ADAP2: variants seen among roughly 807,000 people sequenced by gnomAD.
The protein encoded by ADAP2 is ArfGAP with dual PH domains 2, also known as arf-GAP with dual PH domain-containing protein 2.
ADAP2 carries 42 observed loss-of-function variants against 54.9 expected under a neutral mutation model. The ratio of observed to expected loss-of-function variants is 0.77; its 90% CI spans 0.60 to 0.99. ADAP2 has a LOEUF of 0.99. Among genes scored for constraint, ADAP2 ranks in the 50% least tolerant of loss-of-function variants. The probability of loss-of-function intolerance (pLI) is 0.00; values close to 1 mark genes in which losing one functional copy is unlikely to be tolerated. For missense variants in ADAP2, 429 were observed against 480.4 expected, an observed-to-expected ratio of 0.89 and a Z score of 1.00; for synonymous variants, 177 against 180.1, an observed-to-expected ratio of 0.98 and a Z score of 0.14.
chr17:30,932,882 T>C (rs939000361), intron 4 of ADAP2, among the ~76,000 whole-genome samples: 2 of 152,116 alleles, frequency 1.3e-5, no homozygotes, highest in Non-Finnish European at 2.9e-5. Context: ...ACACTTAATG[T>C]AAATTGCAGA....
chr17:30,929,506 G>T (rs554847270), intron 3 of ADAP2, among the ~76,000 whole-genome samples: 1 of 152,146 alleles, frequency 6.6e-6, no homozygotes, highest in Non-Finnish European at 1.5e-5. Context: ...CAGCAGCCCT[G>T]CACTTTAACC....
At position 30,956,345 on chromosome 17, in the gene ADAP2, A is replaced by T; in HGVS notation, c.987A>T (p.Gly329=). 1.9e-6 allele frequency: 3 copies of T among 1,614,140 alleles called. No homozygotes were observed. Among genetic ancestry groups the T allele is most frequent in the Non-Finnish European group, 1.7e-6 (2 of 1,180,024 alleles). The change falls in exon 10 of 11, where the codon GGA becomes GGT. Residue 329 remains glycine (G), a synonymous_variant. Coordinates refer to ENST00000330889, the MANE Select transcript of ADAP2 (RefSeq NM_018404.3). ...KGIRGNRWKA[G]LTIVTPERRF... is the part of the protein sequence containing the mutation. The stretch of plus-strand genomic sequence containing the variant: ...TCCGAGGAAATCGCTGGAAAGCCGG[A>T]CTCACCATTGTCACCCCAGAGCGGA...
rs1598061299 is a variant in ADAP2, at chr17:30,956,565, T to A, written c.1111+96T>A. 9.4e-6 allele frequency: 10 copies of A among 1,065,882 alleles called. No individual in the cohort carries two copies. In the South Asian group the frequency reaches 1.5e-4, roughly 16 times the overall value. 66.0% of individuals were successfully genotyped at this position (1,065,882 alleles called of 1,614,324 possible). A position where few individuals can be genotyped will look rare whatever the true frequency, so the allele number is the denominator to read the frequency against. ...GTTCAGCTTTGATACCACAAAAGAT[T>A]CCTGATTCCTGACTATGCTCTTTTC... is the stretch of plus-strand genomic sequence containing the variant. On this transcript the variant is annotated intron_variant, in intron 10 of 10. Transcript: ENST00000330889.
At position 30,958,076 on chromosome 17, in the gene ADAP2, T is replaced by C. The variant is rs1905199053; in HGVS notation, c.*207T>C. 1 of 609,680 alleles carries C rather than the reference T, an allele frequency of 1.6e-6. No homozygotes were observed. The highest frequency in any genetic ancestry group is 2.6e-5 in the Admixed American group (1 of 38,012). 37.8% of individuals were successfully genotyped at this position (609,680 alleles called of 1,614,324 possible). On this transcript the variant is annotated 3_prime_UTR_variant, in exon 11 of 11. Transcript: ENST00000330889. ...CCACCTCGGGGATCTGAGGATCTGG[T>C]GCATAGATGAACATCTATCCCCTCC...
intron 6 of ADAP2, among the ~76,000 whole-genome samples, chr17:30,945,424 A>G (rs571194543): frequency 3.9e-5 from 6 of 152,238 alleles, no homozygotes; most frequent in Admixed American, 2.0e-4. Context: ...CTGCTTCTCA[A>G]CATGTGGTCC....
At chr17:30,946,293 C>T (rs779128470) in intron 6 of ADAP2, among the ~76,000 whole-genome samples, 6 of 151,852 alleles carry the variant, frequency 4.0e-5, no homozygotes, top group Admixed American at 6.6e-5. Context: ...AGTGCAGTGG[C>T]GTGATCTCGG....
chr17:30,945,258 C>T lies in ADAP2; in HGVS notation c.657+205C>T, dbSNP rs193063084. Reference sequence around the variant, plus strand: ...GGTGAGATCAGGGAGAGGAACCTGGCAAGTACCATGGCTATATCTGGACAG... The same window carrying T: ...GGTGAGATCAGGGAGAGGAACCTGGTAAGTACCATGGCTATATCTGGACAG... On this transcript the variant is annotated intron_variant, in intron 6 of 10. Transcript: ENST00000330889. Among the ~76,000 whole-genome samples the T allele has an allele frequency of 2.0e-3, 297 of 152,286 alleles. 1 individual carries two copies. The highest frequency in any genetic ancestry group is 6.9e-3 in the Admixed American group (105 of 15,284).
At chr17:30,954,844 A>G (rs1904947062) in intron 9 of ADAP2, among the ~76,000 whole-genome samples, 1 of 152,054 alleles carries the variant, frequency 6.6e-6, no homozygotes. Context: ...ACTTCTAACC[A>G]AGAGGCCGTG....
At chr17:30,937,007 C>G in intron 5 of ADAP2, among the ~76,000 whole-genome samples, 1 of 152,156 alleles carries the variant, frequency 6.6e-6, no homozygotes, top group East Asian at 1.9e-4. Context: ...CGGCTCACTG[C>G]AACCTCTGCC....
intron 3 of ADAP2, among the ~76,000 whole-genome samples, chr17:30,927,275 A>G (rs1371825958): frequency 6.6e-6 from 1 of 152,098 alleles, no homozygotes; most frequent in Non-Finnish European, 1.5e-5. Flanking sequence ...AAACACTAGT[A>G]TCTTACTAGA....
chr17:30,941,333 C>T (rs917405567), intron 5 of ADAP2, among the ~76,000 whole-genome samples: 2 of 152,190 alleles, frequency 1.3e-5, no homozygotes, highest in Admixed American at 6.5e-5. Context: ...CTGCAGGCGC[C>T]ATCTTCAACA....
chr17:30,953,274 T>A lies in ADAP2; in HGVS notation c.742-14T>A. 6.2e-7 allele frequency: 1 copy of A among 1,613,898 alleles called. No individual in the cohort carries two copies. The highest frequency in any genetic ancestry group is 2.2e-5 in the East Asian group (1 of 44,870). ...GGTGTGAGTTGGGGGTCAGTGTCTG[T>A]CTCTCTTCCCCAGCTCGTGCCATTC... On this transcript the variant is annotated splice_polypyrimidine_tract_variant and intron_variant, in intron 7 of 10. Coordinates refer to ENST00000330889, the MANE Select transcript of ADAP2 (RefSeq NM_018404.3).
chr17:30,941,992 G>A (rs376591237), intron 5 of ADAP2, among the ~76,000 whole-genome samples: 4 of 151,802 alleles, frequency 2.6e-5, no homozygotes, highest in East Asian at 1.9e-4. Flanking sequence ...TGCAGCCTCC[G>A]CCTCCTGGGG....
At chr17:30,939,922 G>A (rs1428576187) in intron 5 of ADAP2, among the ~76,000 whole-genome samples, 1 of 152,086 alleles carries the variant, frequency 6.6e-6, no homozygotes, top group African/African-American at 2.4e-5. Flanking sequence ...GAGGGTCCTG[G>A]GAATTTAACC....
At chr17:30,952,497 T>C (rs1876430) in intron 7 of ADAP2, among the ~76,000 whole-genome samples, 26,688 of 152,114 alleles carry the variant, frequency 0.18, 7,350 homozygotes, top group African/African-American at 0.59. Context: ...TGCCTCAGCC[T>C]CCTGAGTAGC....
chr17:30,935,426 T>C (rs944581030), intron 5 of ADAP2, among the ~76,000 whole-genome samples: 2 of 151,954 alleles, frequency 1.3e-5, no homozygotes, highest in African/African-American at 4.8e-5. Flanking sequence ...TGAGAGTGTG[T>C]TAGGGAGTCA....
intron 3 of ADAP2, among the ~76,000 whole-genome samples, chr17:30,928,771 G>C (rs976453441): frequency 2.0e-5 from 3 of 152,268 alleles, no homozygotes; most frequent in Admixed American, 2.0e-4. Context: ...GTGAGGGTTA[G>C]TGTGGCACTG....
intron 5 of ADAP2, among the ~76,000 whole-genome samples, chr17:30,935,648 C>T (rs1168713013): frequency 3.9e-5 from 6 of 152,318 alleles, no homozygotes; most frequent in African/African-American, 1.4e-4. Flanking sequence ...TAAGAGGGTG[C>T]AGCCCCTGGG....
Position 30,949,306 on chromosome 17 carries a change from A to G in ADAP2, c.677A>G (p.Asn226Ser), listed in dbSNP as rs755710322. The G allele has an allele frequency of 2.5e-6, 4 of 1,614,036 alleles. No individual in the cohort carries two copies. Among genetic ancestry groups the G allele is most frequent in the South Asian group, 1.1e-5 (1 of 91,086 alleles). ...ESGKEIVDWF[N>S]ALRAARLQYL... is the part of the protein sequence containing the mutation. ...CCGCAGGAGATAGTGGACTGGTTCA[A>G]TGCCCTCCGTGCAGCCCGTCTGCAG... The change falls in exon 7 of 11, where the codon AAT becomes AGT. Residue 226 changes from asparagine to serine, a missense_variant. Transcript: ENST00000330889.
Sources: gnomAD v4.1 joint callset for allele counts (sites outside exome capture counted in the v4.1 genomes callset) on GRCh38, gnomAD v4.1.1 for gene constraint, MANE v1.5 for transcripts, NCBI Gene and HGNC (gene_info 2026-07-23, HGNC 2026-07-21) for gene names.